Variants in CEP78 observed in about 807,000 individuals in gnomAD.
The protein encoded by CEP78 is centrosomal protein of 78 kDa.
A neutral mutation model predicts 81.2 loss-of-function variants in CEP78; 76 were observed. The observed-to-expected ratio is 0.94, with a 90% CI of 0.78 to 1.13. The LOEUF (loss-of-function observed/expected upper bound fraction) is 1.13, where lower values mean the gene tolerates loss of function less well. Ranked by LOEUF, CEP78 falls within the 50% of genes most tolerant of loss-of-function variation. The probability of loss-of-function intolerance (pLI) is 0.00; values close to 1 mark genes in which losing one functional copy is unlikely to be tolerated. For missense variants in CEP78, 918 were observed against 846.8 expected (o/e 1.08, Z -1.04); for synonymous variants, 293 against 301.4 (o/e 0.97, Z 0.29).
chr9:78,268,211 C>T (rs1827609706), intron 16 of CEP78, among the ~76,000 whole-genome samples: 1 of 152,066 alleles, frequency 6.6e-6, no homozygotes, highest in Non-Finnish European at 1.5e-5. Flanking sequence ...TAATGAGTTA[C>T]AGGCTGGTGA....
rs545299209 is a variant in CEP78, at chr9:78,236,173, C to T, written c.-178C>T. On this transcript the variant is annotated 5_prime_UTR_variant, in exon 1 of 17. Coordinates refer to ENST00000643273, the MANE Select transcript of CEP78 (RefSeq NM_001330691.3). ...CGGGAGTGGGGCGTTGAGGGGCCGG[C>T]CTAGCTTGGGGCTCTGGCCTTGCGT... is the stretch of plus-strand genomic sequence containing the variant. The T allele has an allele frequency of 2.3e-4, 139 of 597,804 alleles. No individual in the cohort carries two copies. The highest frequency in any genetic ancestry group is 2.3e-3 in the African/African-American group (113 of 50,076). 37.0% of individuals were successfully genotyped at this position (597,804 alleles called of 1,614,324 possible).
rs1827827329 is a variant in CEP78 at position 78,277,433 on chromosome 9, A to C, written c.*6582A>C. ...TATAAAGAGCACCTACAAACAACAA[A>C]AATTGGACAAAGGCTATAAAAATAT... is the stretch of plus-strand genomic sequence containing the variant. On this transcript the variant is annotated 3_prime_UTR_variant, in exon 17 of 17. Coordinates refer to ENST00000643273, the MANE Select transcript of CEP78 (RefSeq NM_001330691.3). The C allele has an allele frequency of 6.6e-6, 1 of 152,216 alleles. No individual in the cohort carries two copies. The highest frequency in any genetic ancestry group is 2.4e-5 in the African/African-American group (1 of 41,466). 9.4% of individuals were successfully genotyped at this position (152,216 alleles called of 1,614,324 possible).
At chr9:78,244,664 C>A (rs187823042) in intron 5 of CEP78, among the ~76,000 whole-genome samples, 154 of 152,238 alleles carry the variant, frequency 1.0e-3, no homozygotes, top group African/African-American at 1.5e-3. Flanking sequence ...CAGCTTTTTT[C>A]ACTCAGTCTA....
intron 11 of CEP78, among the ~76,000 whole-genome samples, chr9:78,257,104 A>G (rs1457246679): frequency 6.6e-6 from 1 of 151,030 alleles, no homozygotes; most frequent in African/African-American, 2.5e-5. Flanking sequence ...GAAGGAAATT[A>G]CAAAAAAAAA....
In CEP78 at chr9:78,256,543, T is replaced by A. The variant is rs972126124; in HGVS notation, c.1380+1579T>A. 1.2e-4 allele frequency among the ~76,000 whole-genome samples: 17 copies of A among 144,262 alleles called. 1 individual carries two copies. In the South Asian group the frequency reaches 4.0e-3, roughly 34 times the overall value. 94.6% of individuals were successfully genotyped at this position (144,262 alleles called of 152,430 possible). On this transcript the variant is annotated intron_variant, in intron 11 of 16. Transcript: ENST00000643273. ...TCCCTTATTTTTTTTTTTTTTTTTT[T>A]TTTTTTTGAGATGGAGTCTCGCTCT...
At position 78,254,942 on chromosome 9, in the gene CEP78, G is replaced by C; in HGVS notation, c.1358G>C (p.Ser453Thr). 4 of 1,610,766 alleles carry C rather than the reference G, an allele frequency of 2.5e-6. No individual in the cohort carries two copies. The highest frequency in any genetic ancestry group is 3.4e-6 in the Non-Finnish European group (4 of 1,177,820). Residue 453 changes from serine to threonine, a missense_variant, in exon 11 of 17, where the codon AGT becomes ACT. Ser to Thr is a moderately conservative substitution (Grantham distance 58, BLOSUM62 1). Transcript: ENST00000643273. Reference sequence around the variant, plus strand: ...GTTCATGAAGTGCCTGAGAAAACTAGTATAGAACAAGAAGCATTACAGGTA... The same window carrying C: ...GTTCATGAAGTGCCTGAGAAAACTACTATAGAACAAGAAGCATTACAGGTA... ...ESVHEVPEKT[S>T]IEQEALQEKL...
intron 1 of CEP78, among the ~76,000 whole-genome samples, chr9:78,236,969 C>CTTTTTTT (rs71360676): frequency 0.015 from 949 of 62,100 alleles, 194 homozygotes; most frequent in African/African-American, 0.019. Flanking sequence ...CAGCCTTTGT[C>CTTTTTTT]TTTTTTTTTT....
chr9:78,236,623 A>G lies in CEP78; in HGVS notation c.253+20A>G, dbSNP rs201300510. The G allele has an allele frequency of 4.5e-4, 684 of 1,517,912 alleles. 1 individual carries two copies. The African/African-American group carries it at 8.7e-3, about 19-fold the overall frequency. 94.0% of individuals were successfully genotyped at this position (1,517,912 alleles called of 1,614,324 possible). A position where few individuals can be genotyped will look rare whatever the true frequency, so the allele number is the denominator to read the frequency against. The stretch of plus-strand genomic sequence containing the variant: ...ACACAGGTTTGTAGTTCCCGCCTCC[A>G]GGGCCCCTCAGTCGGTGCGGCGAAG... On this transcript the variant is annotated intron_variant, in intron 1 of 16. Coordinates refer to ENST00000643273, the MANE Select transcript of CEP78 (RefSeq NM_001330691.3).
In CEP78 at chr9:78,246,562, T is replaced by C. The variant is rs1268434781; in HGVS notation, c.779-107T>C. ...TTGCAGTGAGCGGAGATAGTGCCAC[T>C]GCACTCCAGCCTGGGTGACAGAGTG... On this transcript the variant is annotated intron_variant, in intron 5 of 16. Transcript: ENST00000643273. 5.0e-6 allele frequency: 3 copies of C among 597,878 alleles called. No individual in the cohort carries two copies. In the East Asian group the frequency reaches 9.9e-5, roughly 20 times the overall value. The allele number at this position is 597,878 out of a possible 1,614,324, so 37.0% of individuals were successfully genotyped here.
At chr9:78,245,709 T>G (rs1826446234) in intron 5 of CEP78, among the ~76,000 whole-genome samples, 3 of 152,216 alleles carry the variant, frequency 2.0e-5, no homozygotes, top group Admixed American at 2.0e-4. Flanking sequence ...TTACTAGTAT[T>G]CATGAGCATT....
intron 16 of CEP78, among the ~76,000 whole-genome samples, chr9:78,267,982 T>C (rs1469634876): frequency 1.3e-5 from 2 of 152,012 alleles, no homozygotes; most frequent in African/African-American, 2.4e-5. Context: ...GATTGACTTA[T>C]GGGAATGAAA....
At chr9:78,266,419 T>A (rs374931973) in intron 15 of CEP78, 23 bp from the exon 16 acceptor site, 10 of 1,553,230 alleles carry the variant, frequency 6.4e-6, no homozygotes, top group South Asian at 1.2e-5. Context: ...GTCACTAAAT[T>A]TTTGTTTTGT....
Sources: gnomAD v4.1 joint callset for allele counts (sites outside exome capture counted in the v4.1 genomes callset) on GRCh38, gnomAD v4.1.1 for gene constraint, MANE v1.5 for transcripts, NCBI Gene and HGNC (gene_info 2026-07-23, HGNC 2026-07-21) for gene names.